The following PJA1 variants were observed in gnomAD, a reference collection of about 807,000 sequenced individuals.
PJA1 encodes the protein E3 ubiquitin-protein ligase Praja-1.
PJA1 carries 5 observed loss-of-function variants against 14.1 expected under a neutral mutation model. That is an observed-to-expected ratio of 0.35 (90% CI 0.18 to 0.74). The LOEUF (loss-of-function observed/expected upper bound fraction) is 0.74, where lower values mean the gene tolerates loss of function less well. Ranked by LOEUF, PJA1 falls within the 30% of genes least tolerant of loss-of-function variation. The pLI, the probability that PJA1 is intolerant of heterozygous loss-of-function variation, is 0.56. For synonymous variants in PJA1, 174 were observed against 190.9 expected (o/e 0.91, Z 0.73); for missense variants, 394 against 482.6 (o/e 0.82, Z 1.72).
rs773108205 is a variant in PJA1, at chrX:69,162,981, T to A, written c.93A>T (p.Gly31=). The A allele has an allele frequency of 8.3e-7, 1 of 1,210,863 alleles. No homozygotes were observed. Among genetic ancestry groups the A allele is most frequent in the South Asian group, 1.8e-5 (1 of 56,828 alleles). ...RRSWDDSESS[G]TNLNIDNEDY... ...CCTCATTATCAATATTCAGGTTGGT[T>A]CCCGAACTCTCGCTGTCGTCCCAAC... Residue 31 remains glycine, a synonymous_variant, in exon 2 of 2, where the codon GGA becomes GGT. Transcript: ENST00000374571.
Position 69,161,142 on chromosome X carries a change from T to C in PJA1, c.*165A>G. On this transcript the variant is annotated 3_prime_UTR_variant, in exon 2 of 2. Coordinates refer to ENST00000374571, the MANE Select transcript of PJA1 (RefSeq NM_001032396.4). ...AAAGATGATATGATTTTTAATGCAATCATACACAACTGTTTTCACATTGGA... is the reference window on the plus strand; with the variant it reads ...AAAGATGATATGATTTTTAATGCAACCATACACAACTGTTTTCACATTGGA... 1.3e-6 allele frequency: 1 copy of C among 777,392 alleles called. No individual in the cohort carries two copies. 64.1% of individuals were successfully genotyped at this position (777,392 alleles called of 1,213,427 possible).
chrX:69,162,478 G>A lies in PJA1; in HGVS notation c.596C>T (p.Pro199Leu), dbSNP rs1925094804. 1 of 1,209,696 alleles carries A rather than the reference G, an allele frequency of 8.3e-7. No individual in the cohort carries two copies. The highest frequency in any genetic ancestry group is 1.1e-6 in the Non-Finnish European group (1 of 895,291). The change falls in exon 2 of 2, where the codon CCT (proline) becomes CTT (leucine). Residue 199 changes from proline to leucine, a missense_variant. Around this residue, in one of 2 missense-constraint regions of PJA1, gnomAD observed 378 missense variants for 439.3 expected, o/e 0.86. Coordinates refer to ENST00000374571, the MANE Select transcript of PJA1 (RefSeq NM_001032396.4). ...GTTTCTGATTTTGGGCCTGACCACA[G>A]GTTCCTCTGCACTCTTTGAGGTGTT... is the stretch of plus-strand genomic sequence containing the variant. ...GENTSKSAEE[P>L]VVRPKIRNLA...
In PJA1 at chrX:69,162,704, G is replaced by T; in HGVS notation, c.370C>A (p.Arg124=). The T allele has an allele frequency of 8.3e-7, 1 of 1,208,332 alleles. No individual in the cohort carries two copies. The highest frequency in any genetic ancestry group is 2.2e-5 in the Admixed American group (1 of 45,678). Residue 124 remains arginine (R), a synonymous_variant, in exon 2 of 2, where the codon CGA becomes AGA. Coordinates refer to ENST00000374571, the MANE Select transcript of PJA1 (RefSeq NM_001032396.4). ...SSFSRDVREE[R]DKLDPVPAAR... is the part of the protein sequence containing the mutation. ...GCAGGGACTGGGTCTAACTTGTCTC[G>T]CTCCTCTCTCACATCACGGCTAAAA...
At chrX:69,164,586 GGAGGGTGTGAGGGTGTGAGGGTGTGTGA>G (rs1569210535) in intron 1 of PJA1, among the ~76,000 whole-genome samples, 1 of 107,892 alleles carries the variant, frequency 9.3e-6, no homozygotes, top group African/African-American at 3.4e-5. Context: ...GGAAGGCATG[GGAGGGTGTGAGGGTGTGAGGGTGTGTGA>G]GAGGGTGTGT....
rs375271160 is a variant in PJA1, at chrX:69,162,354, A to C, written c.720T>G (p.Asn240Lys). 1 of 1,208,188 alleles carries C rather than the reference A, an allele frequency of 8.3e-7. No homozygotes were observed. Among genetic ancestry groups the C allele is most frequent in the African/African-American group, 1.8e-5 (1 of 56,520 alleles). ...HSTSRWRDTA[N>K]DNEGHSDGLA... ...GGCCATCCGAGTGGCCCTCATTGTC[A>C]TTGGCGGTATCCCTCCACCTGGAAG... The change falls in exon 2 of 2, where the codon AAT becomes AAG. Residue 240 changes from asparagine to lysine, a missense_variant. Transcript: ENST00000374571.
intron 1 of PJA1, among the ~76,000 whole-genome samples, chrX:69,165,166 G>A (rs1602095284): frequency 9.0e-6 from 1 of 111,482 alleles, no homozygotes; most frequent in African/African-American, 3.3e-5. Context: ...TGTGGCCCCA[G>A]AACAGGCCGA....
Position 69,161,403 on chromosome X carries a change from C to CG in PJA1, c.1670dup (p.Cys558ValfsTer57). On this transcript the variant is annotated frameshift_variant, in exon 2 of 2. Coordinates refer to ENST00000374571, the MANE Select transcript of PJA1 (RefSeq NM_001032396.4). LOFTEE classifies it high-confidence loss of function. ...ACGGCTTGTGGAAATAGTGGTGGCA[C>CG]GGCAGCTCAGTTGCCACCTCCCCCT... is the stretch of plus-strand genomic sequence containing the variant. 8.3e-7 allele frequency: 1 copy of CG among 1,210,663 alleles called. No homozygotes were observed. The highest frequency in any genetic ancestry group is 1.1e-6 in the Non-Finnish European group (1 of 894,954).
rs370802682 is a variant in PJA1 at position 69,161,718 on chromosome X, T to C, written c.1356A>G (p.Leu452=). ...LEDDSSVSED[L]EVDWSLFDGF... The stretch of plus-strand genomic sequence containing the variant: ...CATCAAAGAGGCTCCAATCCACTTC[T>C]AGGTCTTCGCTCACACTGGAGTCAT... Residue 452 remains leucine (L), a synonymous_variant, in exon 2 of 2, where the codon CTA becomes CTG. Coordinates refer to ENST00000374571, the MANE Select transcript of PJA1 (RefSeq NM_001032396.4). 3.3e-6 allele frequency: 4 copies of C among 1,209,633 alleles called. No homozygotes were observed. The Admixed American group carries it at 6.5e-5, about 20-fold the overall frequency.
chrX:69,162,158 A>T lies in PJA1; in HGVS notation c.916T>A (p.Cys306Ser). Reference sequence around the variant, plus strand: ...TTGTCACTGTCAGAGTCTTCGTCGCAGTATTTGTAGTAATCATCACTGTGC... The same window carrying T: ...TTGTCACTGTCAGAGTCTTCGTCGCTGTATTTGTAGTAATCATCACTGTGC... ...WTHSDDYYKYCDEDSDSDKEW... is the reference protein window; with the variant it reads ...WTHSDDYYKYSDEDSDSDKEW... The change falls in exon 2 of 2, where the codon TGC becomes AGC. Residue 306 changes from cysteine (C) to serine (S), a missense_variant. Around this residue, in one of 2 missense-constraint regions of PJA1, gnomAD observed 378 missense variants for 439.3 expected, o/e 0.86. Coordinates refer to ENST00000374571, the MANE Select transcript of PJA1 (RefSeq NM_001032396.4). 8.3e-7 allele frequency: 1 copy of T among 1,211,336 alleles called. No individual in the cohort carries two copies.
At chrX:69,165,325 C>G (rs974907887) in intron 1 of PJA1, 47 bp downstream of exon 1, 1 of 113,037 alleles carries the variant, frequency 8.8e-6, no homozygotes, top group Non-Finnish European at 1.9e-5. Context: ...ACTCGCGCCA[C>G]CGCCAGCGCC....
rs758245978 is a variant in PJA1 at position 69,162,355 on chromosome X, T to C, written c.719A>G (p.Asn240Ser). ...GCCATCCGAGTGGCCCTCATTGTCA[T>C]TGGCGGTATCCCTCCACCTGGAAGT... ...HSTSRWRDTANDNEGHSDGLA... is the reference protein window; with the variant it reads ...HSTSRWRDTASDNEGHSDGLA... The change falls in exon 2 of 2, where the codon AAT becomes AGT. Residue 240 changes from asparagine (N) to serine (S), a missense_variant. Transcript: ENST00000374571. 5.8e-6 allele frequency: 7 copies of C among 1,208,987 alleles called. No homozygotes were observed. The South Asian group carries it at 7.1e-5, about 12-fold the overall frequency.
At chrX:69,164,647 C>CG (rs1394217648) in intron 1 of PJA1, among the ~76,000 whole-genome samples, 1 of 90,938 alleles carries the variant, frequency 1.1e-5, no homozygotes, top group East Asian at 3.9e-4. Flanking sequence ...TGCGCATGCG[C>CG]GGGGGAGGGG....
intron 1 of PJA1, among the ~76,000 whole-genome samples, chrX:69,164,519 C>G (rs769925027): frequency 1.9e-5 from 2 of 107,624 alleles, no homozygotes; most frequent in East Asian, 5.9e-4. Context: ...ACGCAGAGGC[C>G]GAGCAGGGAG....
rs753237928 is a variant in PJA1, at chrX:69,162,100, C to T, written c.974G>A (p.Arg325Gln). Residue 325 changes from arginine to glutamine, a missense_variant, in exon 2 of 2, where the codon CGA (arginine) becomes CAA (glutamine). Arg to Gln is a conservative substitution (Grantham distance 43, BLOSUM62 1). Coordinates refer to ENST00000374571, the MANE Select transcript of PJA1 (RefSeq NM_001032396.4). ...EWIAALRRKY[R>Q]SREQTLSSSG... is the part of the protein sequence containing the mutation. ...GGAGGACAGGGTTTGCTCTCGGCTT[C>T]GATATTTCCGACGCAGAGCAGCAAT... 3 of 1,210,926 alleles carry T rather than the reference C, an allele frequency of 2.5e-6. No individual in the cohort carries two copies. Among genetic ancestry groups the T allele is most frequent in the South Asian group, 3.5e-5 (2 of 56,866 alleles).
At position 69,161,421 on chromosome X, in the gene PJA1, C is replaced by T. The variant is rs11539157; in HGVS notation, c.1653G>A (p.Glu551=). 6 of 1,210,520 alleles carry T rather than the reference C, an allele frequency of 5.0e-6. No homozygotes were observed. Among genetic ancestry groups the T allele is most frequent in the Non-Finnish European group, 6.7e-6 (6 of 894,640 alleles). ...GGTGGCACGGCAGCTCAGTTGCCAC[C>T]TCCCCCTTCACATATTCGCTACAGC... ...PICCSEYVKG[E]VATELPCHHY... Residue 551 remains glutamate, a synonymous_variant, in exon 2 of 2, where the codon GAG becomes GAA. Coordinates refer to ENST00000374571, the MANE Select transcript of PJA1 (RefSeq NM_001032396.4).
chrX:69,163,365 C>T (rs1487691204), intron 1 of PJA1: 12 of 735,471 alleles, frequency 1.6e-5, no homozygotes, highest in Non-Finnish European at 2.1e-5. Flanking sequence ...GATTTATTTT[C>T]ACTTCAGCAG....
chrX:69,163,753 C>G (rs1320500790), intron 1 of PJA1, among the ~76,000 whole-genome samples: 1 of 111,033 alleles, frequency 9.0e-6, no homozygotes, highest in African/African-American at 3.3e-5. Flanking sequence ...GTCTGTCTAT[C>G]AAGAGGAGAG....
chrX:69,161,885 C>T lies in PJA1; in HGVS notation c.1189G>A (p.Glu397Lys). The stretch of plus-strand genomic sequence containing the variant: ...TCTCCTTCTTCCAGGGATGCCTGCT[C>T]TTCCTGAAGAGATGGTTCTCGAACT... ...EEVREPSLQE[E>K]QASLEEGEIP... The change falls in exon 2 of 2, where the codon GAG (glutamate) becomes AAG (lysine). Residue 397 changes from glutamate (E) to lysine (K), a missense_variant. Glu to Lys is a moderately conservative substitution (Grantham distance 56). Transcript: ENST00000374571. 3 of 1,211,407 alleles carry T rather than the reference C, an allele frequency of 2.5e-6. No homozygotes were observed. The highest frequency in any genetic ancestry group is 5.9e-5 in the East Asian group (2 of 33,716).
At chrX:69,164,969 C>G (rs940921160) in intron 1 of PJA1, among the ~76,000 whole-genome samples, 7 of 111,612 alleles carry the variant, frequency 6.3e-5, no homozygotes, top group Non-Finnish European at 1.1e-4. Context: ...GGCAAAACAA[C>G]AGCAAAATAT....
Sources: allele counts gnomAD v4.1 joint callset (sites outside exome capture counted in the v4.1 genomes callset), GRCh38; gene constraint gnomAD v4.1.1; regional missense constraint gnomAD v4.1.1; transcripts MANE v1.5; gene names NCBI Gene and HGNC (gene_info 2026-07-23, HGNC 2026-07-21).